The following CNTN1 variants were observed in gnomAD, a reference collection of about 807,000 sequenced individuals.
The protein encoded by CNTN1 is contactin 1, also known as contactin-1.
Under a neutral mutation model 126.4 loss-of-function variants are expected in CNTN1, and 38 were observed. The ratio of observed to expected loss-of-function variants is 0.30; its 90% CI spans 0.23 to 0.39. The LOEUF (loss-of-function observed/expected upper bound fraction) is 0.39, where lower values mean the gene tolerates loss of function less well. Ranked by LOEUF, CNTN1 falls within the 10% of genes least tolerant of loss-of-function variation. The pLI is 1.00. For synonymous variants in CNTN1, 413 were observed against 422.6 expected (o/e 0.98, Z 0.28); for missense variants, 1,009 against 1,248.4 (o/e 0.81, Z 2.89).
In CNTN1 at chr12:40,695,285, A is replaced by T. The variant is rs151122448; in HGVS notation, c.-77+2693A>T. 5.0e-3 allele frequency among the ~76,000 whole-genome samples: 756 copies of T among 152,326 alleles called. 19 individuals are homozygous for T. Among genetic ancestry groups the T allele is most frequent in the Non-Finnish European group, 1.7e-3 (115 of 68,016 alleles). ...GGGGATATTTTTTTGGTAGAAGGCTATGCCTTGGGAGGAAACTTCCTCTGG... is the reference window on the plus strand; with the variant it reads ...GGGGATATTTTTTTGGTAGAAGGCTTTGCCTTGGGAGGAAACTTCCTCTGG... On this transcript the variant is annotated intron_variant, in intron 1 of 23. Transcript: ENST00000551295.
chr12:41,033,520 A>G (rs1315113124), intron 23 of CNTN1, among the ~76,000 whole-genome samples: 1 of 152,196 alleles, frequency 6.6e-6, no homozygotes, highest in Non-Finnish European at 1.5e-5. Context: ...TTAGTTTTAA[A>G]TAGACTATAG....
At chr12:40,902,302 A>G (rs568012640) in intron 1 of CNTN1, among the ~76,000 whole-genome samples, 3 of 152,284 alleles carry the variant, frequency 2.0e-5, no homozygotes, top group Non-Finnish European at 4.4e-5. Flanking sequence ...AAGGGACTTG[A>G]GCAGCAGAGG....
At chr12:41,032,815 T>C (rs1949175470) in intron 23 of CNTN1, among the ~76,000 whole-genome samples, 1 of 152,246 alleles carries the variant, frequency 6.6e-6, no homozygotes, top group South Asian at 2.1e-4. Flanking sequence ...CCATCCTTAC[T>C]TGAAGCTAAG....
chr12:40,951,714 T>TAA (rs1294780787), intron 14 of CNTN1, among the ~76,000 whole-genome samples: 1,609 of 79,580 alleles, frequency 0.02, 191 homozygotes, highest in African/African-American at 0.035. Context: ...GTCTCAAAAT[T>TAA]TAAAAAAAAA....
At chr12:40,771,556 A>T (rs1291663286) in intron 1 of CNTN1, among the ~76,000 whole-genome samples, 1 of 152,034 alleles carries the variant, frequency 6.6e-6, no homozygotes, top group Non-Finnish European at 1.5e-5. Flanking sequence ...ATCTGTGCTG[A>T]TGCAGAAAGT....
chr12:40,724,890 A>C (rs528598939), intron 1 of CNTN1, among the ~76,000 whole-genome samples: 2 of 152,334 alleles, frequency 1.3e-5, no homozygotes, highest in Non-Finnish European at 2.9e-5. Context: ...AAAACCTGAA[A>C]GAAAATAGAG....
intron 1 of CNTN1, among the ~76,000 whole-genome samples, chr12:40,871,186 G>GAAAAAAAAAAAAA (rs201485882): frequency 1.8e-5 from 2 of 113,510 alleles, no homozygotes; most frequent in African/African-American, 2.8e-5. Flanking sequence ...CTGTTACAGA[G>GAAAAAAAAAAAAA]AAAAAAAAAA....
intron 3 of CNTN1, 133 bp downstream of exon 3, chr12:40,910,238 G>T: frequency 1.5e-6 from 1 of 678,086 alleles, no homozygotes. Flanking sequence ...AATTTTGTAA[G>T]GTGGTCTTTC....
chr12:40,708,430 A>G (rs748132050), intron 1 of CNTN1, among the ~76,000 whole-genome samples: 3 of 152,208 alleles, frequency 2.0e-5, no homozygotes, highest in African/African-American at 4.8e-5. Context: ...AATGCTACTA[A>G]TTGTCTGAGC....
intron 1 of CNTN1, among the ~76,000 whole-genome samples, chr12:40,715,319 C>G (rs868591558): frequency 2.7e-4 from 41 of 152,220 alleles, no homozygotes; most frequent in African/African-American, 9.6e-4. Flanking sequence ...CAACACTTCT[C>G]TGTTAACTGG....
chr12:40,978,357 A>G (rs1403807815), intron 15 of CNTN1, among the ~76,000 whole-genome samples: 2 of 151,888 alleles, frequency 1.3e-5, no homozygotes, highest in Non-Finnish European at 2.9e-5. Flanking sequence ...TGGAACCATT[A>G]CCGAGTAAAA....
At chr12:41,059,836 G>A (rs1399934561) in intron 23 of CNTN1, among the ~76,000 whole-genome samples, 1 of 152,052 alleles carries the variant, frequency 6.6e-6, no homozygotes, top group Non-Finnish European at 1.5e-5. Context: ...ACCAGCCTGG[G>A]CAACATTGTG....
In CNTN1 at chr12:40,939,316, C is replaced by G; in HGVS notation, c.1229-19C>G. On this transcript the variant is annotated intron_variant, in intron 11 of 23. Coordinates refer to ENST00000551295, the MANE Select transcript of CNTN1 (RefSeq NM_001843.4). ...TTTACAAACAGAAAGAGAAAGATAA[C>G]AATTTGTTTTCTTTTTAGCGTTGGC... 6.2e-7 allele frequency: 1 copy of G among 1,612,832 alleles called. No individual in the cohort carries two copies. Among genetic ancestry groups the G allele is most frequent in the South Asian group, 1.1e-5 (1 of 91,046 alleles).
intron 1 of CNTN1, among the ~76,000 whole-genome samples, chr12:40,840,145 G>A (rs753375916): frequency 5.3e-5 from 8 of 151,820 alleles, no homozygotes; most frequent in African/African-American, 7.3e-5. Context: ...GTAAAGGAAT[G>A]GAAAAAGATA....
At chr12:40,915,613 A>G (rs1408824628) in intron 3 of CNTN1, among the ~76,000 whole-genome samples, 1 of 152,080 alleles carries the variant, frequency 6.6e-6, no homozygotes, top group East Asian at 1.9e-4. Context: ...TGCTGCTTGT[A>G]GAATGCAAGT....
At chr12:40,871,186 GAA>G (rs201485882) in intron 1 of CNTN1, among the ~76,000 whole-genome samples, 34 of 113,518 alleles carry the variant, frequency 3.0e-4, no homozygotes, top group African/African-American at 9.2e-4. Flanking sequence ...CTGTTACAGA[GAA>G]AAAAAAAAAA....
chr12:40,878,239 G>A (rs1188851633), intron 1 of CNTN1, among the ~76,000 whole-genome samples: 2 of 149,876 alleles, frequency 1.3e-5, no homozygotes, highest in Non-Finnish European at 3.0e-5. Flanking sequence ...TCAGGTGATC[G>A]CCGGCCTCAG....
intron 1 of CNTN1, among the ~76,000 whole-genome samples, chr12:40,776,841 A>G (rs1431861465): frequency 6.6e-6 from 1 of 151,766 alleles, no homozygotes; most frequent in Non-Finnish European, 1.5e-5. Flanking sequence ...AACTCTTTTC[A>G]TTAAAGCAGT....
At chr12:40,892,366 T>C (rs1428640652) in intron 1 of CNTN1, among the ~76,000 whole-genome samples, 2 of 152,134 alleles carry the variant, frequency 1.3e-5, no homozygotes, top group African/African-American at 4.8e-5. Context: ...TAAAATAATA[T>C]GTGTATTCCA....
Sources: allele counts gnomAD v4.1 joint callset (sites outside exome capture counted in the v4.1 genomes callset), GRCh38; gene constraint gnomAD v4.1.1; transcripts MANE v1.5; gene names NCBI Gene and HGNC (gene_info 2026-07-23, HGNC 2026-07-21).